Variants in TENM2 observed in about 807,000 individuals in gnomAD.
TENM2 encodes teneurin transmembrane protein 2.
Under a neutral mutation model 245.2 loss-of-function variants are expected in TENM2, and 52 were observed. The observed-to-expected ratio is 0.21, with a 90% confidence interval of 0.17 to 0.27. TENM2 has a LOEUF of 0.27. Ranked by LOEUF, TENM2 falls within the 10% of genes least tolerant of loss-of-function variation. The probability of loss-of-function intolerance (pLI) is 1.00; values close to 1 mark genes in which losing one functional copy is unlikely to be tolerated. For synonymous variants in TENM2, 1,363 were observed against 1,438.9 expected (o/e 0.95, Z 1.19); for missense variants, 3,046 against 3,666.8 (o/e 0.83, Z 4.37).
At chr5:167,697,337 T>C (rs1413268984) in intron 2 of TENM2, among the ~76,000 whole-genome samples, 1 of 152,214 alleles carries the variant, frequency 6.6e-6, no homozygotes, top group Non-Finnish European at 1.5e-5. Context: ...TTTCATTCTA[T>C]ATTTCACTTT....
At chr5:167,373,563 T>C (rs1760570393) in intron 1 of TENM2, among the ~76,000 whole-genome samples, 1 of 152,150 alleles carries the variant, frequency 6.6e-6, no homozygotes, top group Non-Finnish European at 1.5e-5. Flanking sequence ...GTAAGTAGAG[T>C]GGACCACATG....
chr5:168,078,929 A>C (rs540231707), intron 7 of TENM2, among the ~76,000 whole-genome samples: 1 of 152,260 alleles, frequency 6.6e-6, no homozygotes, highest in Non-Finnish European at 1.5e-5. Context: ...TTTTGGTTCC[A>C]TATGAACTTT....
chr5:167,640,880 T>TATATCC (rs1554094282), intron 2 of TENM2, among the ~76,000 whole-genome samples: 3 of 62,966 alleles, frequency 4.8e-5, no homozygotes, highest in African/African-American at 3.7e-4. Context: ...TATATATATA[T>TATATCC]ATATATATAT....
chr5:167,143,229 T>C, the TENM2 span, among the ~76,000 whole-genome samples: 1 of 152,214 alleles, frequency 6.6e-6, no homozygotes, highest in Non-Finnish European at 1.5e-5. Flanking sequence ...GATATGACCA[T>C]GAATACGGGT....
At chr5:167,000,579 C>G in the TENM2 span, among the ~76,000 whole-genome samples, 1 of 152,108 alleles carries the variant, frequency 6.6e-6, no homozygotes, top group African/African-American at 2.4e-5. Flanking sequence ...TTTGGGTCAT[C>G]ATATAGACTT....
chr5:167,207,838 C>A, the TENM2 span, among the ~76,000 whole-genome samples: 1 of 152,218 alleles, frequency 6.6e-6, no homozygotes, highest in South Asian at 2.1e-4. Flanking sequence ...ACTGTAACCT[C>A]TGTCTCCCAA....
intron 2 of TENM2, among the ~76,000 whole-genome samples, chr5:167,563,353 G>C (rs1472124662): frequency 1.3e-5 from 2 of 152,056 alleles, no homozygotes; most frequent in Non-Finnish European, 2.9e-5. Flanking sequence ...GCCTCTCTTT[G>C]CTTTTGATTG....
chr5:167,576,331 A>AT (rs35031872), intron 2 of TENM2, among the ~76,000 whole-genome samples: 65,740 of 146,484 alleles, frequency 0.45, 15,362 homozygotes, highest in Non-Finnish European at 0.54. Context: ...AGAAAAGAGC[A>AT]TTTTTTTTTT....
chr5:167,172,148 C>CA, the TENM2 span, among the ~76,000 whole-genome samples: 11 of 152,216 alleles, frequency 7.2e-5, no homozygotes, highest in African/African-American at 2.4e-4. Flanking sequence ...GTGACACAGG[C>CA]ACAACCGTCA....
At chr5:168,262,136 G>T (rs753926409) in exon 29 of TENM2, 1 of 1,613,740 alleles carries the variant, frequency 6.2e-7, no homozygotes, top group Admixed American at 1.7e-5. Flanking sequence ...AAAGCTCCAC[G>T]CCAGCATCCG....
chr5:167,975,010 C>A (rs905570474), intron 4 of TENM2, among the ~76,000 whole-genome samples: 3 of 152,246 alleles, frequency 2.0e-5, no homozygotes, highest in Non-Finnish European at 4.4e-5. Flanking sequence ...TCTGGAAAGG[C>A]AGCCTCCCCA....
At chr5:167,500,828 C>T (rs1381745108) in intron 2 of TENM2, among the ~76,000 whole-genome samples, 1 of 152,058 alleles carries the variant, frequency 6.6e-6, no homozygotes, top group Non-Finnish European at 1.5e-5. Context: ...AGAGGTAGTT[C>T]CTCAAAGGGA....
chr5:167,221,118 G>A, the TENM2 span, among the ~76,000 whole-genome samples: 8,819 of 152,114 alleles, frequency 0.058, 331 homozygotes, highest in Non-Finnish European at 0.082. Flanking sequence ...ATGAACCACC[G>A]CACCTGGCTG....
At chr5:167,410,739 G>A (rs1463142245) in intron 2 of TENM2, among the ~76,000 whole-genome samples, 1 of 152,024 alleles carries the variant, frequency 6.6e-6, no homozygotes, top group Non-Finnish European at 1.5e-5. Context: ...TATTATTTAA[G>A]GTAGAGATTG....
the TENM2 span, among the ~76,000 whole-genome samples, chr5:167,100,787 C>T: frequency 2.6e-5 from 4 of 152,106 alleles, no homozygotes; most frequent in African/African-American, 9.6e-5. Flanking sequence ...AAGCAGCAAT[C>T]CAGAGAATTA....
chr5:167,722,210 T>G (rs1281130979), intron 2 of TENM2, among the ~76,000 whole-genome samples: 1 of 152,196 alleles, frequency 6.6e-6, no homozygotes, highest in Non-Finnish European at 1.5e-5. Context: ...CAATTACTGG[T>G]GTCAGCAAGC....
At chr5:168,175,009 G>A (rs1440236144) in intron 13 of TENM2, among the ~76,000 whole-genome samples, 1 of 152,188 alleles carries the variant, frequency 6.6e-6, no homozygotes, top group African/African-American at 2.4e-5. Flanking sequence ...AGGTGGTGCT[G>A]TGCCATTTAC....
intron 3 of TENM2, among the ~76,000 whole-genome samples, chr5:167,949,089 G>A (rs913544913): frequency 6.6e-6 from 1 of 152,188 alleles, no homozygotes; most frequent in Non-Finnish European, 1.5e-5. Flanking sequence ...GTACGTTACT[G>A]ATACTGAATA....
chr5:167,262,988 C>A, the TENM2 span, among the ~76,000 whole-genome samples: 1 of 152,092 alleles, frequency 6.6e-6, no homozygotes, highest in East Asian at 1.9e-4. Context: ...GTTGAAGGGG[C>A]AAGCAGGCTC....
Sources: allele counts gnomAD v4.1 joint callset (sites outside exome capture counted in the v4.1 genomes callset), GRCh38; gene constraint gnomAD v4.1.1; transcripts MANE v1.5; gene names NCBI Gene and HGNC (gene_info 2026-07-23, HGNC 2026-07-21).